Variants in LNX1 observed in about 807,000 individuals in gnomAD.
The protein encoded by LNX1 is ligand of numb-protein X 1.
In LNX1, 54 loss-of-function variants were observed where a neutral mutation model predicts 68.4. The observed-to-expected ratio is 0.79, with a 90% CI of 0.63 to 0.99. The LOEUF is 0.99. LNX1 is among the 50% of genes least tolerant of loss of function. The pLI, the probability that LNX1 is intolerant of heterozygous loss-of-function variation, is 0.00. For synonymous variants in LNX1, 336 were observed against 350.0 expected, an observed-to-expected ratio of 0.96 and a Z score of 0.45; for missense variants, 906 against 926.4, an observed-to-expected ratio of 0.98 and a Z score of 0.29.
Position 53,508,246 on chromosome 4 carries a change from G to A in LNX1, c.381-19C>T, listed in dbSNP as rs778213952. 2.5e-6 allele frequency: 4 copies of A among 1,607,332 alleles called. No homozygotes were observed. The highest frequency in any genetic ancestry group is 2.6e-6 in the Non-Finnish European group (3 of 1,174,588). On this transcript the variant is annotated intron_variant, in intron 2 of 10. Transcript: ENST00000263925. ...TTTACAGCTGTAACAGAACCAGCGGGGAGGTGAAGAAGAGCTTTGGCTCTG... is the reference window on the plus strand; with the variant it reads ...TTTACAGCTGTAACAGAACCAGCGGAGAGGTGAAGAAGAGCTTTGGCTCTG...
At chr4:53,584,891 A>C (rs1732068006) in intron 1 of LNX1, among the ~76,000 whole-genome samples, 1 of 152,204 alleles carries the variant, frequency 6.6e-6, no homozygotes, top group Non-Finnish European at 1.5e-5. Context: ...CTTTCAGTGT[A>C]ACGTATATCA....
At position 53,478,718 on chromosome 4, in the gene LNX1, G is replaced by T. The variant is rs772317581; in HGVS notation, c.1510C>A (p.His504Asn). 4 of 1,613,936 alleles carry T rather than the reference G, an allele frequency of 2.5e-6. No homozygotes were observed. Among genetic ancestry groups the T allele is most frequent in the Non-Finnish European group, 1.7e-6 (2 of 1,179,894 alleles). Residue 504 changes from histidine to asparagine, a missense_variant, in exon 8 of 11, where the codon CAT becomes AAT. Transcript: ENST00000263925. ...TTTTGGATATTTACCACCTTCTCAT[G>T]ACAAGTAATTGTAGGATGGAGGGGC... ...PKPLHPTITC[H>N]EKVVNIQKDP...
At chr4:53,588,770 G>A (rs1178692915) in intron 1 of LNX1, among the ~76,000 whole-genome samples, 1 of 152,112 alleles carries the variant, frequency 6.6e-6, no homozygotes, top group African/African-American at 2.4e-5. Context: ...TAGAACAGTA[G>A]AACCCACTGA....
intron 9 of LNX1, among the ~76,000 whole-genome samples, chr4:53,472,703 A>C (rs113650219): frequency 0.058 from 7,586 of 130,988 alleles, 245 homozygotes; most frequent in East Asian, 0.11. Flanking sequence ...AAAAAAACAA[A>C]AAACAATGGG....
intron 2 of LNX1, among the ~76,000 whole-genome samples, chr4:53,543,206 C>G (rs964315604): frequency 6.6e-6 from 1 of 152,204 alleles, no homozygotes; most frequent in Non-Finnish European, 1.5e-5. Context: ...ATGGCTGGCT[C>G]CCTTCCTCAC....
intron 2 of LNX1, among the ~76,000 whole-genome samples, chr4:53,558,807 C>G (rs1446775843): frequency 6.6e-6 from 1 of 152,178 alleles, no homozygotes; most frequent in African/African-American, 2.4e-5. Flanking sequence ...TTTAAGCTCT[C>G]AAGCCTCAGT....
intron 1 of LNX1, among the ~76,000 whole-genome samples, chr4:53,638,628 T>A (rs1255798022): frequency 2.6e-5 from 4 of 152,194 alleles, no homozygotes; most frequent in Non-Finnish European, 2.9e-5. Flanking sequence ...GTGATTTTGC[T>A]GTAAAAATGG....
intron 2 of LNX1, among the ~76,000 whole-genome samples, chr4:53,571,946 C>A (rs141843535): frequency 6.6e-6 from 1 of 152,322 alleles, no homozygotes; most frequent in East Asian, 1.9e-4. Context: ...CAGGTGTGAG[C>A]CACTGCGCCC....
At chr4:53,467,410 C>T (rs573931290) in intron 9 of LNX1, among the ~76,000 whole-genome samples, 18 of 152,130 alleles carry the variant, frequency 1.2e-4, no homozygotes, top group African/African-American at 4.3e-4. Context: ...GCAGAAAAAC[C>T]AGAAACTATA....
intron 1 of LNX1, among the ~76,000 whole-genome samples, chr4:53,579,501 A>G (rs1439321872): frequency 6.6e-6 from 1 of 152,152 alleles, no homozygotes; most frequent in Non-Finnish European, 1.5e-5. Context: ...TAAAACCTGT[A>G]TAGAAGCTTC....
chr4:53,585,940 A>G (rs554729291), intron 1 of LNX1, among the ~76,000 whole-genome samples: 2 of 152,212 alleles, frequency 1.3e-5, no homozygotes, highest in Non-Finnish European at 2.9e-5. Context: ...AATGCTCCCA[A>G]CGATCCTTTC....
In LNX1 at chr4:53,578,061, C is replaced by CA. The variant is rs148566819; in HGVS notation, c.-86-3974dup. ...AGGGTAAATAACTTGTCAATCACAC[C>CA]AAAAAAAGAAACAAAACAGGCAGGG... On this transcript the variant is annotated intron_variant, in intron 1 of 10. Transcript: ENST00000263925. Among the ~76,000 whole-genome samples, 58 of 151,962 alleles carry CA rather than the reference C, an allele frequency of 3.8e-4. No homozygotes were observed. In the East Asian group the frequency reaches 0.01, roughly 26 times the overall value.
chr4:53,568,579 A>ATGGG (rs1310080899), intron 2 of LNX1, among the ~76,000 whole-genome samples: 464 of 43,256 alleles, frequency 0.011, 2 homozygotes, highest in Non-Finnish European at 0.016. Context: ...CCCTTTGAAA[A>ATGGG]CGGGCACAAG....
chr4:53,555,319 C>A (rs1479471503), intron 2 of LNX1, among the ~76,000 whole-genome samples: 2 of 152,108 alleles, frequency 1.3e-5, no homozygotes, highest in East Asian at 3.9e-4. Context: ...CCGCTGGTGC[C>A]ACTTACCATC....
chr4:53,480,367 A>T (rs1432132005), intron 7 of LNX1, among the ~76,000 whole-genome samples: 1 of 152,202 alleles, frequency 6.6e-6, no homozygotes, highest in Non-Finnish European at 1.5e-5. Context: ...AGGAGGTGGA[A>T]GGAATTCTAA....
chr4:53,586,873 T>G (rs1023476352), intron 1 of LNX1, among the ~76,000 whole-genome samples: 3 of 152,230 alleles, frequency 2.0e-5, no homozygotes, highest in African/African-American at 7.2e-5. Flanking sequence ...CAAGATACTG[T>G]GCTGGGTATT....
chr4:53,552,832 A>AC (rs1451668269), intron 2 of LNX1, among the ~76,000 whole-genome samples: 3 of 151,506 alleles, frequency 2.0e-5, no homozygotes, highest in African/African-American at 7.3e-5. Flanking sequence ...CCATCTCAAA[A>AC]AAAAAAAAAA....
At chr4:53,507,027 T>C (rs1037885479) in intron 4 of LNX1, among the ~76,000 whole-genome samples, 1 of 152,112 alleles carries the variant, frequency 6.6e-6, no homozygotes. Context: ...GTCATTGTTT[T>C]AAATGTTTTT....
Position 53,521,010 on chromosome 4 carries a change from G to A in LNX1, c.381-12783C>T, listed in dbSNP as rs553060591. On this transcript the variant is annotated intron_variant, in intron 2 of 10. Coordinates refer to ENST00000263925, the MANE Select transcript of LNX1 (RefSeq NM_001126328.3). ...TATTCTATTTACTTTTAAAACACTT[G>A]GAGACAACCAAAGTCTAGCTTTTGG... 3.0e-4 allele frequency among the ~76,000 whole-genome samples: 45 copies of A among 152,254 alleles called. No homozygotes were observed. In the South Asian group the frequency reaches 9.1e-3, roughly 31 times the overall value.
Sources: gnomAD v4.1 joint callset for allele counts (sites outside exome capture counted in the v4.1 genomes callset) on GRCh38, gnomAD v4.1.1 for gene constraint, MANE v1.5 for transcripts, NCBI Gene and HGNC (gene_info 2026-07-23, HGNC 2026-07-21) for gene names.